CD82: variants seen among roughly 807,000 people sequenced by gnomAD.
CD82 encodes the protein CD82 molecule.
In CD82, 36 loss-of-function variants were observed where a neutral mutation model predicts 37.4. The ratio of observed to expected loss-of-function variants is 0.96; its 90% confidence interval spans 0.74 to 1.27. CD82 has a LOEUF of 1.27. Ranked by LOEUF, CD82 falls within the 50% of genes most tolerant of loss-of-function variation. The pLI is 0.00. For synonymous variants in CD82, 158 were observed against 137.4 expected, an observed-to-expected ratio of 1.15 and a Z score of -1.05; for missense variants, 340 against 347.0, an observed-to-expected ratio of 0.98 and a Z score of 0.16.
At chr11:44,575,840 G>A (rs770042803) in intron 1 of CD82, among the ~76,000 whole-genome samples, 2 of 152,116 alleles carry the variant, frequency 1.3e-5, no homozygotes, top group Non-Finnish European at 2.9e-5. Flanking sequence ...CAGCATCCCC[G>A]TTTTACGGAA....
rs767677067 is a variant in CD82 at position 44,618,372 on chromosome 11, G to A, written c.642+7G>A. 2.7e-5 allele frequency: 44 copies of A among 1,610,002 alleles called. No homozygotes were observed. The highest frequency in any genetic ancestry group is 5.3e-5 in the African/African-American group (4 of 74,874). On this transcript the variant is annotated splice_region_variant and intron_variant, in intron 8 of 9. Transcript: ENST00000227155. The stretch of plus-strand genomic sequence containing the variant: ...CTGGCCTGTGTACCAGGAGGTGTGC[G>A]GGGGGCTGCGGATCGGGGGCGGGGC...
intron 1 of CD82, among the ~76,000 whole-genome samples, chr11:44,586,451 C>T (rs1469753735): frequency 6.6e-6 from 1 of 152,166 alleles, no homozygotes; most frequent in East Asian, 1.9e-4. Flanking sequence ...TTACTTGAAC[C>T]CAGGCATTTG....
chr11:44,572,535 A>G (rs1050122019), intron 1 of CD82, among the ~76,000 whole-genome samples: 39 of 152,334 alleles, frequency 2.6e-4, no homozygotes, highest in African/African-American at 8.9e-4. Flanking sequence ...TTTGAAGTGA[A>G]TATCAATTTG....
At chr11:44,577,717 GCAAAA>G (rs1212045979) in intron 1 of CD82, among the ~76,000 whole-genome samples, 1 of 151,962 alleles carries the variant, frequency 6.6e-6, no homozygotes, top group Non-Finnish European at 1.5e-5. Flanking sequence ...GAGATAAAGT[GCAAAA>G]CATCTAGCAC....
chr11:44,612,460 A>C (rs1853496586), intron 6 of CD82, among the ~76,000 whole-genome samples: 1 of 152,128 alleles, frequency 6.6e-6, no homozygotes, highest in Admixed American at 6.5e-5. Context: ...ACATTTGATA[A>C]AAGTTAGCCA....
At chr11:44,590,017 T>G (rs952467988) in intron 2 of CD82, among the ~76,000 whole-genome samples, 1 of 151,828 alleles carries the variant, frequency 6.6e-6, no homozygotes, top group African/African-American at 2.4e-5. Context: ...GTATTTTTAG[T>G]AGAGACAGGG....
At chr11:44,594,190 C>T (rs543955987) in intron 2 of CD82, among the ~76,000 whole-genome samples, 12 of 152,280 alleles carry the variant, frequency 7.9e-5, no homozygotes, top group East Asian at 1.9e-4. Flanking sequence ...CCCCTTCTCG[C>T]CTTGGCAGAC....
At chr11:44,605,494 TG>T in intron 6 of CD82, 65 bp downstream of exon 6, 5 of 1,482,490 alleles carry the variant, frequency 3.4e-6, no homozygotes, top group Non-Finnish European at 3.8e-6. Flanking sequence ...TGACTGAGTG[TG>T]GGGGATGGAC....
intron 1 of CD82, among the ~76,000 whole-genome samples, chr11:44,577,843 C>T (rs759545834): frequency 9.2e-5 from 14 of 152,174 alleles, no homozygotes; most frequent in South Asian, 2.1e-4. Flanking sequence ...AGTAGGGCGC[C>T]GGGTTGGGCC....
At chr11:44,567,370 T>C (rs1852751076) in intron 1 of CD82, among the ~76,000 whole-genome samples, 1 of 150,900 alleles carries the variant, frequency 6.6e-6, no homozygotes, top group Non-Finnish European at 1.5e-5. Context: ...GGCTGCGCTG[T>C]GTGCAGGAGA....
At chr11:44,599,800 G>GA (rs1853280512) in intron 3 of CD82, among the ~76,000 whole-genome samples, 1 of 152,220 alleles carries the variant, frequency 6.6e-6, no homozygotes, top group South Asian at 2.1e-4. Flanking sequence ...TCTTGTTTGG[G>GA]AAGCTCCCAG....
At chr11:44,580,523 G>C (rs1852965331) in intron 1 of CD82, among the ~76,000 whole-genome samples, 1 of 152,130 alleles carries the variant, frequency 6.6e-6, no homozygotes, top group African/African-American at 2.4e-5. Flanking sequence ...GATCAGGCTG[G>C]TCTATGTAGT....
intron 2 of CD82, among the ~76,000 whole-genome samples, chr11:44,590,029 T>A (rs1195895341): frequency 6.6e-6 from 1 of 151,742 alleles, no homozygotes; most frequent in Non-Finnish European, 1.5e-5. Flanking sequence ...GAGACAGGGT[T>A]TCACCGTATT....
At chr11:44,583,929 C>T (rs1219362017) in intron 1 of CD82, among the ~76,000 whole-genome samples, 1 of 152,176 alleles carries the variant, frequency 6.6e-6, no homozygotes, top group Non-Finnish European at 1.5e-5. Flanking sequence ...GCCTGTCTCA[C>T]TGGTTCATGG....
Position 44,615,300 on chromosome 11 carries a change from C to A in CD82, c.365C>A (p.Thr122Asn). 6.2e-7 allele frequency: 1 copy of A among 1,613,344 alleles called. No individual in the cohort carries two copies. The highest frequency in any genetic ancestry group is 8.5e-7 in the Non-Finnish European group (1 of 1,179,272). The change falls in exon 7 of 10, where the codon ACT becomes AAT. Residue 122 changes from threonine (T) to asparagine (N), a missense_variant. Physicochemically the swap from Thr to Asn is moderately conservative, Grantham distance 65. Coordinates refer to ENST00000227155, the MANE Select transcript of CD82 (RefSeq NM_002231.4). ...AAGCAGGAGATGGGCGGCATCGTGA[C>A]TGAGCTCATTCGAGACTACAACAGC... ...KLKQEMGGIV[T>N]ELIRDYNSSR...
At chr11:44,565,856 G>A (rs79304549) in intron 1 of CD82, 120 bp downstream of exon 1, 5,033 of 152,388 alleles carry the variant, frequency 0.033, 118 homozygotes, top group Admixed American at 0.061. Flanking sequence ...GACAGGTCGG[G>A]GCAGCTGGTG....
At chr11:44,596,749 G>A (rs1853233428) in intron 3 of CD82, 1 of 372,844 alleles carries the variant, frequency 2.7e-6, no homozygotes, top group South Asian at 2.0e-5. Flanking sequence ...GGCAGAACGG[G>A]CTTGTTTACT....
chr11:44,618,588 CG>C (rs1853604496), intron 8 of CD82, 51 bp from the exon 9 acceptor site: 1 of 1,454,978 alleles, frequency 6.9e-7, no homozygotes, highest in African/African-American at 1.4e-5. Context: ...TTCTGCATGG[CG>C]GGGTGGGATG....
intron 2 of CD82, among the ~76,000 whole-genome samples, chr11:44,590,390 C>T (rs756475513): frequency 4.6e-5 from 7 of 151,276 alleles, no homozygotes; most frequent in African/African-American, 7.3e-5. Flanking sequence ...AGGTGGATCA[C>T]GAGGTCAGGA....
Sources: allele counts gnomAD v4.1 joint callset (sites outside exome capture counted in the v4.1 genomes callset), GRCh38; gene constraint gnomAD v4.1.1; transcripts MANE v1.5; gene names NCBI Gene and HGNC (gene_info 2026-07-23, HGNC 2026-07-21).